Variants in KATNAL2 observed in about 807,000 individuals in gnomAD.
The protein encoded by KATNAL2 is katanin catalytic subunit A1 like 2.
A neutral mutation model predicts 76.3 loss-of-function variants in KATNAL2; 52 were observed. The observed-to-expected ratio is 0.68, with a 90% CI of 0.55 to 0.86. The LOEUF is 0.86. Ranked by LOEUF, KATNAL2 falls within the 40% of genes least tolerant of loss-of-function variation. KATNAL2 has a pLI of 0.00. For synonymous variants in KATNAL2, 243 were observed against 244.2 expected, an observed-to-expected ratio of 1.00 and a Z score of 0.05; for missense variants, 660 against 668.9, an observed-to-expected ratio of 0.99 and a Z score of 0.15.
chr18:46,943,328 C>G (rs1232502204), intron 1 of KATNAL2, among the ~76,000 whole-genome samples: 1 of 152,192 alleles, frequency 6.6e-6, no homozygotes, highest in Non-Finnish European at 1.5e-5. Flanking sequence ...CTGAGACCTA[C>G]TGGGCTGCAT....
At chr18:47,093,265 A>G (rs2147379739) in intron 15 of KATNAL2, among the ~76,000 whole-genome samples, 1 of 152,278 alleles carries the variant, frequency 6.6e-6, no homozygotes, top group South Asian at 2.1e-4. Flanking sequence ...TGCTTGAGAC[A>G]TTGCCTGCCA....
At chr18:46,934,196 A>T (rs2059021338) in intron 1 of KATNAL2, among the ~76,000 whole-genome samples, 1 of 152,066 alleles carries the variant, frequency 6.6e-6, no homozygotes, top group African/African-American at 2.4e-5. Flanking sequence ...TGGTATTTCT[A>T]GTTCTAGATC....
chr18:47,048,828 CTTTTTTTTTTTT>C (rs35366730), intron 4 of KATNAL2, among the ~76,000 whole-genome samples: 1 of 76,722 alleles, frequency 1.3e-5, no homozygotes, highest in African/African-American at 5.3e-5. Flanking sequence ...AAGCCAGACT[CTTTTTTTTTTTT>C]TTTTTTTTTT....
chr18:46,923,808 T>TA (rs1316273779), intron 1 of KATNAL2, among the ~76,000 whole-genome samples: 1 of 152,164 alleles, frequency 6.6e-6, no homozygotes, highest in Non-Finnish European at 1.5e-5. Flanking sequence ...TTTTGATTTG[T>TA]ATTTCTCTGA....
chr18:47,084,307 G>A, intron 15 of KATNAL2: 1 of 702,760 alleles, frequency 1.4e-6, no homozygotes, highest in Non-Finnish European at 2.6e-6. Flanking sequence ...GGGATAAGCA[G>A]ATGTAACCCT....
At chr18:47,058,724 C>T (rs1264032377) in intron 7 of KATNAL2, among the ~76,000 whole-genome samples, 1 of 151,994 alleles carries the variant, frequency 6.6e-6, no homozygotes, top group Non-Finnish European at 1.5e-5. Context: ...CAGGTCTTCC[C>T]ATCCCAGAGC....
chr18:47,045,116 G>C (rs1569073482), intron 3 of KATNAL2, among the ~76,000 whole-genome samples: 1 of 149,032 alleles, frequency 6.7e-6, no homozygotes, highest in Non-Finnish European at 1.5e-5. Context: ...AATTAAAAAA[G>C]AAAAAAAATG....
chr18:46,931,867 T>C (rs751664463), intron 1 of KATNAL2, among the ~76,000 whole-genome samples: 17 of 152,044 alleles, frequency 1.1e-4, no homozygotes, highest in Non-Finnish European at 1.9e-4. Context: ...CAATTATAAA[T>C]AGACAAATCT....
intron 4 of KATNAL2, among the ~76,000 whole-genome samples, chr18:47,048,040 G>A (rs1250793491): frequency 6.6e-6 from 1 of 152,106 alleles, no homozygotes; most frequent in Admixed American, 6.5e-5. Flanking sequence ...TTGTTCCTTG[G>A]GAGATATTTG....
chr18:47,063,429 C>T, intron 10 of KATNAL2, 68 bp downstream of exon 10: 1 of 1,171,422 alleles, frequency 8.5e-7, no homozygotes, highest in Non-Finnish European at 1.2e-6. Flanking sequence ...TTGTGGGCTG[C>T]TTCTTTTATT....
At chr18:47,068,860 A>G (rs1201122770) in intron 11 of KATNAL2, among the ~76,000 whole-genome samples, 1 of 152,208 alleles carries the variant, frequency 6.6e-6, no homozygotes, top group Non-Finnish European at 1.5e-5. Context: ...CTGCTTTACA[A>G]CATTCAAAAG....
intron 3 of KATNAL2, among the ~76,000 whole-genome samples, chr18:46,967,962 T>C (rs1351450711): frequency 8.4e-6 from 1 of 119,354 alleles, no homozygotes; most frequent in Non-Finnish European, 1.9e-5. Flanking sequence ...GCTCCGCTTG[T>C]GTCACCCAGG....
At chr18:47,095,061 G>A (rs1231228649) in intron 15 of KATNAL2, among the ~76,000 whole-genome samples, 2 of 152,156 alleles carry the variant, frequency 1.3e-5, no homozygotes, top group African/African-American at 4.8e-5. Flanking sequence ...GATTTAGAAA[G>A]CAGCTTCTCA....
chr18:46,953,542 G>A (rs1318711877), intron 3 of KATNAL2, among the ~76,000 whole-genome samples: 2 of 152,084 alleles, frequency 1.3e-5, no homozygotes, highest in African/African-American at 4.8e-5. Context: ...GGGTGCTTAA[G>A]TCCAGGAGTT....
intron 15 of KATNAL2, among the ~76,000 whole-genome samples, chr18:47,081,076 T>C (rs989863944): frequency 4.7e-4 from 71 of 150,720 alleles, no homozygotes; most frequent in African/African-American, 1.6e-3. Context: ...TCCCGCCTTC[T>C]TCCCTCCTTC....
intron 3 of KATNAL2, among the ~76,000 whole-genome samples, chr18:47,045,542 C>G (rs1045313937): frequency 6.6e-6 from 1 of 152,052 alleles, no homozygotes; most frequent in African/African-American, 2.4e-5. Flanking sequence ...AGGCTGGTCT[C>G]AAACTCCTGA....
intron 15 of KATNAL2, among the ~76,000 whole-genome samples, chr18:47,084,894 G>A (rs2062705158): frequency 8.5e-6 from 1 of 118,134 alleles, no homozygotes; most frequent in Non-Finnish European, 1.7e-5. Flanking sequence ...CTGGACTCTT[G>A]TACTCACACT....
At chr18:47,032,936 C>T (rs72919298) in intron 3 of KATNAL2, 88,044 of 1,611,290 alleles carry the variant, frequency 0.055, 2,853 homozygotes, top group Non-Finnish European at 0.065. Flanking sequence ...GTTTCGTTCC[C>T]CAACCCGCAT....
chr18:46,925,233 C>T (rs543706775), intron 1 of KATNAL2, among the ~76,000 whole-genome samples: 2 of 152,068 alleles, frequency 1.3e-5, no homozygotes, highest in Non-Finnish European at 2.9e-5. Flanking sequence ...ATAGATAGCT[C>T]TTATTATTTT....
Sources: allele counts gnomAD v4.1 joint callset (sites outside exome capture counted in the v4.1 genomes callset), GRCh38; gene constraint gnomAD v4.1.1; transcripts MANE v1.5; gene names NCBI Gene and HGNC (gene_info 2026-07-23, HGNC 2026-07-21).